Variants in CDH11 observed in about 807,000 individuals in gnomAD.
CDH11 encodes the protein cadherin 11.
A neutral mutation model predicts 67.8 loss-of-function variants in CDH11; 11 were observed. That is an observed-to-expected ratio of 0.16 (90% CI 0.10 to 0.27). The LOEUF (loss-of-function observed/expected upper bound fraction) is 0.27. Ranked by LOEUF, CDH11 falls within the 10% of genes least tolerant of loss-of-function variation. CDH11 has a pLI of 1.00. For synonymous variants in CDH11, 419 were observed against 400.0 expected (o/e 1.05, Z -0.57); for missense variants, 847 against 1,031.2 (o/e 0.82, Z 2.45).
In CDH11 at chr16:64,943,845, G is replaced by A. The variant is rs1180474694; in HGVS notation, c.*3758C>T. ...TATACAATGGTAAACAAGAAAGCAA[G>A]ATTCCCTGCCCTCATGGAGCTTACA... On this transcript the variant is annotated 3_prime_UTR_variant, in exon 13 of 13. Coordinates refer to ENST00000268603, the MANE Select transcript of CDH11 (RefSeq NM_001797.4). The A allele has an allele frequency of 1.3e-5, 3 of 225,786 alleles. No individual in the cohort carries two copies. Among genetic ancestry groups the A allele is most frequent in the Non-Finnish European group, 2.6e-5 (3 of 113,416 alleles). The allele number at this position is 225,786 out of a possible 1,614,324, so 14.0% of individuals were successfully genotyped here.
chr16:64,996,526 G>GC (rs111486102), intron 4 of CDH11, among the ~76,000 whole-genome samples: 1,948 of 150,262 alleles, frequency 0.013, 42 homozygotes, highest in African/African-American at 0.045. Flanking sequence ...ATTCAACCCA[G>GC]CAATCCCATT....
chr16:65,005,967 C>T (rs1156365183), intron 2 of CDH11, among the ~76,000 whole-genome samples: 2 of 152,200 alleles, frequency 1.3e-5, no homozygotes, highest in East Asian at 3.8e-4. Context: ...GGTTTCTGAG[C>T]CACAGTCACT....
At chr16:65,123,244 G>A (rs2075365839), upstream of CDH11, among the ~76,000 whole-genome samples, 1 of 152,124 alleles carries the variant, frequency 6.6e-6, no homozygotes, top group Non-Finnish European at 1.5e-5. Flanking sequence ...TTGCAGGGTG[G>A]GAGGTGGAGG....
At position 64,979,101 on chromosome 16, in the gene CDH11, A is replaced by G. The variant is rs577702746; in HGVS notation, c.1253+2947T>C. Among the ~76,000 whole-genome samples, 6 of 152,284 alleles carry G rather than the reference A, an allele frequency of 3.9e-5. No individual in the cohort carries two copies. In the East Asian group the frequency reaches 9.7e-4, roughly 24 times the overall value. ...ATAATCCACTTATGAAATGGGCAAA[A>G]TTCTTGAATAGATATTTCTCCCAAG... On this transcript the variant is annotated intron_variant, in intron 8 of 12. Transcript: ENST00000268603.
chr16:65,107,269 T>C (rs138901194), intron 1 of CDH11, among the ~76,000 whole-genome samples: 1 of 152,364 alleles, frequency 6.6e-6, no homozygotes, highest in African/African-American at 2.4e-5. Flanking sequence ...AGGTCTTGAT[T>C]TGCATATTTT....
chr16:65,030,527 G>C (rs1190608905), intron 2 of CDH11, among the ~76,000 whole-genome samples: 1 of 152,152 alleles, frequency 6.6e-6, no homozygotes, highest in Non-Finnish European at 1.5e-5. Context: ...AAGCAACGTT[G>C]TTGGGCAGAA....
intron 11 of CDH11, among the ~76,000 whole-genome samples, chr16:64,951,983 C>T (rs1345789368): frequency 6.6e-6 from 1 of 152,080 alleles, no homozygotes; most frequent in Non-Finnish European, 1.5e-5. Flanking sequence ...ATATTATTTC[C>T]CTAACCTAGA....
chr16:65,062,870 G>A (rs1472090149), intron 1 of CDH11, among the ~76,000 whole-genome samples: 2 of 152,214 alleles, frequency 1.3e-5, no homozygotes, highest in Non-Finnish European at 2.9e-5. Context: ...AGTGGAGACT[G>A]ATTTTCTTCA....
At chr16:65,109,931 G>C (rs2075128232) in intron 1 of CDH11, among the ~76,000 whole-genome samples, 1 of 152,164 alleles carries the variant, frequency 6.6e-6, no homozygotes, top group Admixed American at 6.5e-5. Context: ...ACCCAAGCTG[G>C]AGTGCAGTGG....
intron 2 of CDH11, among the ~76,000 whole-genome samples, chr16:65,016,197 C>T (rs2073304023): frequency 6.6e-6 from 1 of 152,176 alleles, no homozygotes; most frequent in South Asian, 2.1e-4. Flanking sequence ...CACCCCTCTT[C>T]ATTTTAAGAA....
rs774841339 is a variant in CDH11, at chr16:64,947,635, C to A, written c.2359G>T (p.Gly787Cys). ...TCGTCATCAAAAGTGTCTTTGGAAC[C>A]ATACAAATCTGCTAGTTTCTTAAAA... Reference protein sequence around the residue: ...PRFKKLADLYGSKDTFDDDS With the variant: ...PRFKKLADLYCSKDTFDDDS The change falls in exon 13 of 13, where the codon GGT (glycine) becomes TGT (cysteine). Residue 787 changes from glycine to cysteine, a missense_variant. Gly to Cys is a radical substitution (Grantham distance 159, BLOSUM62 -3). This residue lies in a region of CDH11 where 612 missense variants were observed against 678.7 expected (regional missense o/e 0.90). Coordinates refer to ENST00000268603, the MANE Select transcript of CDH11 (RefSeq NM_001797.4). 7.4e-6 allele frequency: 12 copies of A among 1,613,446 alleles called. No individual in the cohort carries two copies. The highest frequency in any genetic ancestry group is 1.3e-5 in the African/African-American group (1 of 74,972).
At chr16:65,022,827 T>C (rs2142583419) in intron 2 of CDH11, among the ~76,000 whole-genome samples, 1 of 151,822 alleles carries the variant, frequency 6.6e-6, no homozygotes, top group Non-Finnish European at 1.5e-5. Context: ...ACGCTGAAAA[T>C]CCCAGAGCAT....
chr16:65,115,342 T>C (rs1008150027), intron 1 of CDH11, among the ~76,000 whole-genome samples: 4 of 152,142 alleles, frequency 2.6e-5, no homozygotes, highest in Non-Finnish European at 5.9e-5. Flanking sequence ...CAGGCACTAA[T>C]AAACAATTCA....
chr16:64,991,227 T>A (rs2072620985), intron 6 of CDH11: 1 of 152,258 alleles, frequency 6.6e-6, no homozygotes. Context: ...AGTAAGCTGG[T>A]TTGGAAGTGG....
At chr16:65,046,999 C>T (rs2073972569) in intron 2 of CDH11, among the ~76,000 whole-genome samples, 1 of 152,118 alleles carries the variant, frequency 6.6e-6, no homozygotes, top group African/African-American at 2.4e-5. Flanking sequence ...GTCCCAGTTA[C>T]TCTGGGACTG....
chr16:64,992,909 C>T lies in CDH11; in HGVS notation c.643+6G>A. The T allele has an allele frequency of 6.2e-7, 1 of 1,612,938 alleles. No individual in the cohort carries two copies. The highest frequency in any genetic ancestry group is 8.5e-7 in the Non-Finnish European group (1 of 1,179,208). ...TGTCACAAATCACAGTGACATTCCA[C>T]AGTACCTGTCTGTGCTTCCACCGAA... On this transcript the variant is annotated splice_donor_region_variant and intron_variant, in intron 5 of 12. Transcript: ENST00000268603.
chr16:65,053,733 C>T (rs1401251244), intron 2 of CDH11, 71 bp downstream of exon 2: 1 of 443,386 alleles, frequency 2.3e-6, no homozygotes, highest in Non-Finnish European at 4.6e-6. Context: ...AGACACAGAC[C>T]CAGTGGCATA....
chr16:64,960,728 G>C (rs2142396600), intron 11 of CDH11, among the ~76,000 whole-genome samples: 1 of 152,218 alleles, frequency 6.6e-6, no homozygotes, highest in Non-Finnish European at 1.5e-5. Context: ...AAAGGACATG[G>C]TAGAGGTAAA....
At chr16:65,105,082 G>C (rs992315895) in intron 1 of CDH11, among the ~76,000 whole-genome samples, 1 of 152,118 alleles carries the variant, frequency 6.6e-6, no homozygotes, top group African/African-American at 2.4e-5. Context: ...AAATGACTTT[G>C]AATCTCTCTG....
Sources: gnomAD v4.1 joint callset for allele counts (sites outside exome capture counted in the v4.1 genomes callset) on GRCh38, gnomAD v4.1.1 for gene constraint, gnomAD v4.1.1 regional missense constraint, MANE v1.5 for transcripts, NCBI Gene and HGNC (gene_info 2026-07-23, HGNC 2026-07-21) for gene names.